FMNL2: variants seen among roughly 807,000 people sequenced by gnomAD.
The protein encoded by FMNL2 is formin like 2, also known as formin-like protein 2.
Under a neutral mutation model 130.2 loss-of-function variants are expected in FMNL2, and 51 were observed. That is an observed-to-expected ratio of 0.39 (90% CI 0.31 to 0.49). The LOEUF is 0.49. Ranked by LOEUF, FMNL2 falls within the 20% of genes least tolerant of loss-of-function variation. The pLI, the probability that FMNL2 is intolerant of heterozygous loss-of-function variation, is 0.85. For missense variants in FMNL2, 977 were observed against 1,316.2 expected, an observed-to-expected ratio of 0.74 and a Z score of 3.99; for synonymous variants, 465 against 467.1, an observed-to-expected ratio of 1.00 and a Z score of 0.06.
At chr2:152,515,124 C>T (rs139108864) in intron 1 of FMNL2, among the ~76,000 whole-genome samples, 2 of 152,170 alleles carry the variant, frequency 1.3e-5, no homozygotes, top group African/African-American at 2.4e-5. Flanking sequence ...CATATTGTGT[C>T]ATTTAATGCC....
intron 1 of FMNL2, among the ~76,000 whole-genome samples, chr2:152,471,179 C>T (rs753097312): frequency 2.6e-5 from 4 of 151,910 alleles, no homozygotes; most frequent in Admixed American, 6.6e-5. Context: ...AGAAAAGTCC[C>T]GTACGCTGTC....
At chr2:152,383,446 T>A (rs1684602647) in intron 1 of FMNL2, among the ~76,000 whole-genome samples, 1 of 151,920 alleles carries the variant, frequency 6.6e-6, no homozygotes, top group African/African-American at 2.4e-5. Context: ...AAATGTTCCG[T>A]AAGAGTAACC....
intron 1 of FMNL2, among the ~76,000 whole-genome samples, chr2:152,369,943 T>C (rs905785802): frequency 1.3e-5 from 2 of 152,172 alleles, no homozygotes; most frequent in South Asian, 2.1e-4. Flanking sequence ...GAATAGGGTA[T>C]GTGTATTTGC....
At chr2:152,538,815 A>G (rs546986271) in intron 2 of FMNL2, among the ~76,000 whole-genome samples, 47 of 152,190 alleles carry the variant, frequency 3.1e-4, no homozygotes, top group Non-Finnish European at 5.7e-4. Flanking sequence ...TGATTTGCCA[A>G]ACCTTTTCTC....
chr2:152,445,296 C>T (rs1242149564), intron 1 of FMNL2, among the ~76,000 whole-genome samples: 4 of 152,212 alleles, frequency 2.6e-5, no homozygotes, highest in African/African-American at 7.2e-5. Context: ...ACCTGGGAAA[C>T]GCCCTTGAGA....
At position 152,533,550 on chromosome 2, in the gene FMNL2, T is replaced by C. The variant is rs1328273440; in HGVS notation, c.202-9189T>C. ...CAGGTAGTGTCAATTCTCCAACTTTTTTTTTTTTTTTTTTTTTGCTAAATT... is the reference window on the plus strand; with the variant it reads ...CAGGTAGTGTCAATTCTCCAACTTTCTTTTTTTTTTTTTTTTTGCTAAATT... On this transcript the variant is annotated intron_variant, in intron 2 of 25. Coordinates refer to ENST00000288670, the MANE Select transcript of FMNL2 (RefSeq NM_052905.4). Among the ~76,000 whole-genome samples the C allele has an allele frequency of 2.5e-4, 18 of 72,046 alleles. No individual in the cohort carries two copies. The South Asian group carries it at 6.6e-3, about 26-fold the overall frequency. 47.3% of individuals were successfully genotyped at this position (72,046 alleles called of 152,430 possible). A position where few individuals can be genotyped will look rare whatever the true frequency, so the allele number is the denominator to read the frequency against.
At chr2:152,633,141 G>A (rs1440529876) in intron 21 of FMNL2, among the ~76,000 whole-genome samples, 1 of 150,000 alleles carries the variant, frequency 6.7e-6, no homozygotes, top group Non-Finnish European at 1.5e-5. Context: ...TGTGGCCCAT[G>A]CTACAGTGCA....
chr2:152,382,515 A>G (rs1684530691), intron 1 of FMNL2, among the ~76,000 whole-genome samples: 1 of 152,160 alleles, frequency 6.6e-6, no homozygotes, highest in South Asian at 2.1e-4. Flanking sequence ...ACTTGCCTCC[A>G]CAAAGATCCT....
chr2:152,543,896 G>A (rs1289835430), intron 3 of FMNL2, among the ~76,000 whole-genome samples: 2 of 152,108 alleles, frequency 1.3e-5, no homozygotes, highest in African/African-American at 4.8e-5. Flanking sequence ...TATGTCATAT[G>A]TGACTTGAAT....
At chr2:152,607,016 T>G (rs12613901) in intron 9 of FMNL2, among the ~76,000 whole-genome samples, 43 of 141,438 alleles carry the variant, frequency 3.0e-4, no homozygotes, top group East Asian at 6.8e-4. Context: ...GTTTTTTTTT[T>G]TTTTTTTTAC....
intron 2 of FMNL2, among the ~76,000 whole-genome samples, chr2:152,525,661 C>T (rs1451756691): frequency 6.6e-6 from 1 of 152,162 alleles, no homozygotes; most frequent in Non-Finnish European, 1.5e-5. Flanking sequence ...AAAAGATGAG[C>T]GTGAAGAGGT....
In FMNL2 at chr2:152,509,737, CTTTTTTT is replaced by C. The variant is rs138976882; in HGVS notation, c.118-12186_118-12180del. ...GAGAAGGTATATCTGTACTCTGGAC[CTTTTTTT>C]TTTTTTTTTTTTTTTTTTTGAGAGA... On this transcript the variant is annotated intron_variant, in intron 1 of 25. Coordinates refer to ENST00000288670, the MANE Select transcript of FMNL2 (RefSeq NM_052905.4). Among the ~76,000 whole-genome samples the C allele has an allele frequency of 3.7e-4, 22 of 58,684 alleles. 1 individual carries two copies. The highest frequency in any genetic ancestry group is 4.6e-4 in the Non-Finnish European group (16 of 35,060). The allele number at this position is 58,684 out of a possible 152,430, so 38.5% of individuals were successfully genotyped here.
At chr2:152,608,523 CTA>C (rs1189984780) in intron 10 of FMNL2, among the ~76,000 whole-genome samples, 2 of 147,626 alleles carry the variant, frequency 1.4e-5, no homozygotes, top group Admixed American at 6.8e-5. Context: ...GTGTGTGTGT[CTA>C]TATATATATA....
At chr2:152,563,939 G>C (rs762799565) in intron 6 of FMNL2, among the ~76,000 whole-genome samples, 1 of 152,038 alleles carries the variant, frequency 6.6e-6, no homozygotes, top group African/African-American at 2.4e-5. Flanking sequence ...CATAAGTCTC[G>C]GGTGAAAACG....
At chr2:152,416,520 C>T (rs999595204) in intron 1 of FMNL2, among the ~76,000 whole-genome samples, 4 of 152,202 alleles carry the variant, frequency 2.6e-5, no homozygotes, top group Non-Finnish European at 5.9e-5. Context: ...GCTTCCATAA[C>T]ATCTCAGTTT....
At chr2:152,508,801 G>T (rs775865344) in intron 1 of FMNL2, among the ~76,000 whole-genome samples, 1 of 152,140 alleles carries the variant, frequency 6.6e-6, no homozygotes, top group Non-Finnish European at 1.5e-5. Context: ...CAGCTGAGAC[G>T]CACAGAGGGT....
intron 1 of FMNL2, among the ~76,000 whole-genome samples, chr2:152,504,500 C>T (rs1692041761): frequency 1.3e-5 from 2 of 151,844 alleles, no homozygotes; most frequent in Non-Finnish European, 2.9e-5. Context: ...CTGCTTCGGC[C>T]TCCCAAAGTG....
At chr2:152,494,763 C>A (rs551565085) in intron 1 of FMNL2, among the ~76,000 whole-genome samples, 1 of 152,122 alleles carries the variant, frequency 6.6e-6, no homozygotes, top group Non-Finnish European at 1.5e-5. Context: ...TTCTCATGTG[C>A]CTTGACTATT....
At chr2:152,477,468 C>G (rs1367853975) in intron 1 of FMNL2, among the ~76,000 whole-genome samples, 1 of 152,102 alleles carries the variant, frequency 6.6e-6, no homozygotes, top group African/African-American at 2.4e-5. Flanking sequence ...CTGTTTTACC[C>G]CCATCCCAAA....
Sources: allele counts gnomAD v4.1 joint callset (sites outside exome capture counted in the v4.1 genomes callset), GRCh38; gene constraint gnomAD v4.1.1; transcripts MANE v1.5; gene names NCBI Gene and HGNC (gene_info 2026-07-23, HGNC 2026-07-21).